Variants in HEATR5B observed in about 807,000 individuals in gnomAD.
HEATR5B encodes HEAT repeat-containing protein 5B.
Under a neutral mutation model 224.1 loss-of-function variants are expected in HEATR5B, and 156 were observed. That is an observed-to-expected ratio of 0.70 (90% CI 0.61 to 0.80). The LOEUF (loss-of-function observed/expected upper bound fraction) is 0.80. Among genes scored for constraint, HEATR5B ranks in the 30% least tolerant of loss-of-function variants. The pLI is 0.00. For synonymous variants in HEATR5B, 1,027 were observed against 893.0 expected (o/e 1.15, Z -2.68); for missense variants, 2,323 against 2,535.5 (o/e 0.92, Z 1.80).
intron 27 of HEATR5B, 42 bp from the exon 28 acceptor site, chr2:37,008,890 T>C (rs2148400203): frequency 8.7e-7 from 1 of 1,150,268 alleles, no homozygotes; most frequent in Non-Finnish European, 1.3e-6. Context: ...AGGCATAAGA[T>C]AAAAAAATAA....
chr2:37,009,256 C>CAAA (rs57022846), intron 27 of HEATR5B, among the ~76,000 whole-genome samples: 192 of 64,226 alleles, frequency 3.0e-3, no homozygotes, highest in Non-Finnish European at 4.4e-3. Flanking sequence ...GACTCTGTCT[C>CAAA]AAAAAAAAAA....
At position 37,061,988 on chromosome 2, in the gene HEATR5B, T is replaced by C; in HGVS notation, c.1647A>G (p.Leu549=). The stretch of plus-strand genomic sequence containing the variant: ...AAAGCCAGCCAGCTTGGGTGCGCTG[T>C]AAAGATAGCCTGCTATTTTGGGCAG... ...RTAAQNSRLS[L]QRTQAGWLLL... Residue 549 remains leucine (L), a synonymous_variant, in exon 11 of 36, where the codon TTA becomes TTG. Transcript: ENST00000233099. 4 of 1,614,006 alleles carry C rather than the reference T, an allele frequency of 2.5e-6. No individual in the cohort carries two copies. Among genetic ancestry groups the C allele is most frequent in the Non-Finnish European group, 3.4e-6 (4 of 1,179,890 alleles).
At position 37,070,377 on chromosome 2, in the gene HEATR5B, C is replaced by G; in HGVS notation, c.780G>C (p.Gln260His). 1 of 1,613,194 alleles carries G rather than the reference C, an allele frequency of 6.2e-7. No homozygotes were observed. The highest frequency in any genetic ancestry group is 1.1e-5 in the South Asian group (1 of 90,994). Reference protein sequence around the residue: ...LMPKQATVMRQNVKRATFDEV... With the variant: ...LMPKQATVMRHNVKRATFDEV... ...CATCAAATGTTGCTCGCTTCACATT[C>G]TGACGCATTACTTTCAAGAAGAAAA... is the stretch of plus-strand genomic sequence containing the variant. The change falls in exon 7 of 36, where the codon CAG (glutamine) becomes CAC (histidine). Residue 260 changes from glutamine (Q) to histidine (H), a missense_variant. Physicochemically the swap from Gln to His is conservative, Grantham distance 24 (BLOSUM62 0). Around this residue, in one of 12 missense-constraint regions of HEATR5B, gnomAD observed 292 missense variants for 332.6 expected, o/e 0.88. Coordinates refer to ENST00000233099, the MANE Select transcript of HEATR5B (RefSeq NM_019024.3).
intron 26 of HEATR5B, among the ~76,000 whole-genome samples, chr2:37,015,869 AT>A (rs145458394): frequency 6.6e-6 from 1 of 152,166 alleles, no homozygotes; most frequent in South Asian, 2.1e-4. Flanking sequence ...GTATTGTTAA[AT>A]TTTTTTCAAG....
intron 24 of HEATR5B, among the ~76,000 whole-genome samples, chr2:37,027,032 C>G (rs1023031360): frequency 3.9e-5 from 6 of 152,198 alleles, no homozygotes; most frequent in African/African-American, 1.4e-4. Flanking sequence ...CTCCTGACCT[C>G]AAGTGATCCA....
intron 14 of HEATR5B, 105 bp downstream of exon 14, chr2:37,058,346 T>TC: frequency 1.5e-6 from 1 of 661,954 alleles, no homozygotes. Context: ...ATGGTGGCCT[T>TC]CCTTTGCACA....
At chr2:37,035,742 T>C (rs887152071) in intron 21 of HEATR5B, among the ~76,000 whole-genome samples, 1 of 152,164 alleles carries the variant, frequency 6.6e-6, no homozygotes, top group Admixed American at 6.5e-5. Flanking sequence ...TCCTTGGTGA[T>C]CTCATCTACT....
intron 31 of HEATR5B, among the ~76,000 whole-genome samples, chr2:37,002,878 C>T (rs1012835632): frequency 6.6e-6 from 1 of 152,008 alleles, no homozygotes; most frequent in Non-Finnish European, 1.5e-5. Flanking sequence ...GAAAAATAGT[C>T]GACTCTCAGC....
rs751943216 is a variant in HEATR5B, at chr2:36,981,500, CTTG to C, written c.6203_6205del (p.Thr2068del). 6.3e-7 allele frequency: 1 copy of C among 1,592,162 alleles called. No homozygotes were observed. The highest frequency in any genetic ancestry group is 1.8e-5 in the Admixed American group (1 of 54,810). On this transcript the variant is annotated inframe_deletion, in exon 36 of 36. Coordinates refer to ENST00000233099, the MANE Select transcript of HEATR5B (RefSeq NM_019024.3). Reference sequence around the variant, plus strand: ...AAATGAAATTACAAATTAAAAAAAACTTGTTTTTAGCTTAATTGTTGGTGCAGA... The same window carrying C: ...AAATGAAATTACAAATTAAAAAAAACTTTTTAGCTTAATTGTTGGTGCAGA...
chr2:36,989,899 C>CTTTTTTTTT (rs766148486), intron 34 of HEATR5B, among the ~76,000 whole-genome samples: 13 of 88,910 alleles, frequency 1.5e-4, no homozygotes, highest in African/African-American at 2.9e-4. Context: ...AGAATGTTTC[C>CTTTTTTTTT]TTTTTTTTTT....
intron 4 of HEATR5B, 143 bp downstream of exon 4, chr2:37,076,765 AAAG>A (rs1672261993): frequency 1.6e-6 from 1 of 606,278 alleles, no homozygotes; most frequent in African/African-American, 1.9e-5. Context: ...ATATACATTA[AAAG>A]AAGGGACAAG....
In HEATR5B at chr2:37,008,802, G is replaced by A; in HGVS notation, c.4331C>T (p.Pro1444Leu). Residue 1444 changes from proline to leucine, a missense_variant, in exon 28 of 36, where the codon CCA (proline) becomes CTA (leucine). Physicochemically the swap from Pro to Leu is moderately conservative, Grantham distance 98 (BLOSUM62 -3). Around this residue, in one of 12 missense-constraint regions of HEATR5B, gnomAD observed 844 missense variants for 812.9 expected, o/e 1.04. Coordinates refer to ENST00000233099, the MANE Select transcript of HEATR5B (RefSeq NM_019024.3). ...MNIKKEAESKPKRAIKNTDDD... is the reference protein window; with the variant it reads ...MNIKKEAESKLKRAIKNTDDD... ...GTCAGTATTTTTAATTGCTCTTTTT[G>A]GTTTTGACTCTGCTTCCTTTTTAAT... The A allele has an allele frequency of 1.2e-6, 2 of 1,613,764 alleles. No individual in the cohort carries two copies. Among genetic ancestry groups the A allele is most frequent in the South Asian group, 2.2e-5 (2 of 91,068 alleles).
At chr2:37,067,377 G>A (rs1478652416) in intron 8 of HEATR5B, among the ~76,000 whole-genome samples, 1 of 152,158 alleles carries the variant, frequency 6.6e-6, no homozygotes, top group Non-Finnish European at 1.5e-5. Context: ...GTGAATCTAA[G>A]ACAGATGACT....
At chr2:37,019,773 G>C (rs1225269487) in intron 26 of HEATR5B, 36 bp downstream of exon 26, 2 of 1,388,970 alleles carry the variant, frequency 1.4e-6, no homozygotes, top group Non-Finnish European at 2.0e-6. Context: ...TGAATGTATA[G>C]AAGACAACTA....
chr2:36,989,005 G>C (rs1268561190), intron 34 of HEATR5B, 146 bp from the exon 35 acceptor site: 6 of 628,346 alleles, frequency 9.5e-6, no homozygotes, highest in Non-Finnish European at 1.6e-5. Flanking sequence ...AAATGGAGTA[G>C]AATAGAATTT....
At chr2:36,998,733 T>TA (rs1397921782) in intron 33 of HEATR5B, among the ~76,000 whole-genome samples, 1 of 152,126 alleles carries the variant, frequency 6.6e-6, no homozygotes, top group Non-Finnish European at 1.5e-5. Context: ...TTAACAGATG[T>TA]AAAAAAAGTT....
intron 33 of HEATR5B, 95 bp from the exon 34 acceptor site, chr2:36,990,894 T>C: frequency 9.2e-7 from 1 of 1,083,236 alleles, no homozygotes; most frequent in Admixed American, 2.7e-5. Context: ...CTTGCCATGT[T>C]GTCCAGGCTG....
rs1665546063 is a variant in HEATR5B, at chr2:36,980,962, T to C, written c.*528A>G. 1 of 152,206 alleles carries C rather than the reference T, an allele frequency of 6.6e-6. No individual in the cohort carries two copies. Among genetic ancestry groups the C allele is most frequent in the African/African-American group, 2.4e-5 (1 of 41,452 alleles). The allele number at this position is 152,206 out of a possible 1,614,324, so 9.4% of individuals were successfully genotyped here. Reference sequence around the variant, plus strand: ...TACATAGCATAATTTAGTAATTTGATATGAAAGCTAAAAGATCCATCAGAA... The same window carrying C: ...TACATAGCATAATTTAGTAATTTGACATGAAAGCTAAAAGATCCATCAGAA... On this transcript the variant is annotated 3_prime_UTR_variant, in exon 36 of 36. Transcript: ENST00000233099.
At chr2:37,011,848 CTT>C (rs1434640026) in intron 27 of HEATR5B, among the ~76,000 whole-genome samples, 2 of 152,158 alleles carry the variant, frequency 1.3e-5, no homozygotes. Context: ...AAACTTACCT[CTT>C]TTCCATATTT....
Sources: allele counts gnomAD v4.1 joint callset (sites outside exome capture counted in the v4.1 genomes callset), GRCh38; gene constraint gnomAD v4.1.1; regional missense constraint gnomAD v4.1.1; transcripts MANE v1.5; gene names NCBI Gene and HGNC (gene_info 2026-07-23, HGNC 2026-07-21).